Variants in NALCN observed in about 807,000 individuals in gnomAD.
The protein encoded by NALCN is sodium leak channel NALCN.
A neutral mutation model predicts 225.3 loss-of-function variants in NALCN; 111 were observed. The ratio of observed to expected loss-of-function variants is 0.49; its 90% CI spans 0.42 to 0.58. NALCN has a LOEUF of 0.58. NALCN is among the 20% of genes least tolerant of loss of function. The probability of loss-of-function intolerance (pLI) is 0.00; values close to 1 mark genes in which losing one functional copy is unlikely to be tolerated. For synonymous variants in NALCN, 764 were observed against 769.0 expected, an observed-to-expected ratio of 0.99 and a Z score of 0.11; for missense variants, 1,378 against 2,202.4, an observed-to-expected ratio of 0.63 and a Z score of 7.49.
In NALCN at chr13:101,094,517, G is replaced by A. The variant is rs192917846; in HGVS notation, c.3269+1057C>T. The stretch of plus-strand genomic sequence containing the variant: ...TGCTATAATTAATTTTTATCTCATG[G>A]AAGAAAATTTTTATGCTCCTTTAAT... On this transcript the variant is annotated intron_variant, in intron 28 of 43. Coordinates refer to ENST00000251127, the MANE Select transcript of NALCN (RefSeq NM_052867.4). Among the ~76,000 whole-genome samples the A allele has an allele frequency of 7.9e-3, 1,205 of 151,828 alleles. 7 individuals are homozygous for A. Among genetic ancestry groups the A allele is most frequent in the Non-Finnish European group, 0.01 (705 of 67,956 alleles).
At chr13:101,261,615 T>C (rs2042430240) in intron 10 of NALCN, among the ~76,000 whole-genome samples, 1 of 152,230 alleles carries the variant, frequency 6.6e-6, no homozygotes, top group South Asian at 2.1e-4. Context: ...CTACCGTAAA[T>C]GGGATTACTT....
intron 11 of NALCN, among the ~76,000 whole-genome samples, chr13:101,248,929 A>G (rs2041980387): frequency 6.6e-6 from 1 of 152,114 alleles, no homozygotes; most frequent in Non-Finnish European, 1.5e-5. Flanking sequence ...GTCATATGTC[A>G]TATCAACCAT....
chr13:101,324,682 C>CGATG (rs1432179218), intron 7 of NALCN, among the ~76,000 whole-genome samples: 1 of 152,132 alleles, frequency 6.6e-6, no homozygotes, highest in African/African-American at 2.4e-5. Context: ...TGGGCTGAGA[C>CGATG]GATGGGGTTT....
chr13:101,191,529 C>T (rs1284813862), intron 14 of NALCN, among the ~76,000 whole-genome samples: 2 of 152,018 alleles, frequency 1.3e-5, no homozygotes, highest in Non-Finnish European at 2.9e-5. Flanking sequence ...TTAATTACAG[C>T]TGTGAAGAGG....
intron 6 of NALCN, among the ~76,000 whole-genome samples, chr13:101,375,901 C>A (rs2046675480): frequency 6.6e-6 from 1 of 152,096 alleles, no homozygotes; most frequent in South Asian, 2.1e-4. Context: ...CAGGGGCCAA[C>A]ATCCCACTCT....
chr13:101,196,719 C>A (rs2039905101), intron 13 of NALCN, among the ~76,000 whole-genome samples: 1 of 152,126 alleles, frequency 6.6e-6, no homozygotes, highest in Non-Finnish European at 1.5e-5. Context: ...CAGGTAGGTT[C>A]AGGAAATCTT....
At chr13:101,203,863 T>A (rs1368503135) in intron 13 of NALCN, among the ~76,000 whole-genome samples, 2 of 152,248 alleles carry the variant, frequency 1.3e-5, no homozygotes, top group Non-Finnish European at 2.9e-5. Flanking sequence ...AGTGACTTCT[T>A]ACTAATAGAT....
chr13:101,107,006 C>G (rs2035153473), intron 22 of NALCN, among the ~76,000 whole-genome samples: 1 of 152,134 alleles, frequency 6.6e-6, no homozygotes, highest in Admixed American at 6.6e-5. Context: ...AGGGTAGAGA[C>G]AGTGAACAGT....
At chr13:101,218,746 A>G (rs891616199) in intron 13 of NALCN, among the ~76,000 whole-genome samples, 1 of 152,048 alleles carries the variant, frequency 6.6e-6, no homozygotes, top group Admixed American at 6.6e-5. Flanking sequence ...CAGCCATATA[A>G]GACTTGCCTG....
At chr13:101,372,524 A>C (rs1017894017) in intron 6 of NALCN, among the ~76,000 whole-genome samples, 1 of 152,188 alleles carries the variant, frequency 6.6e-6, no homozygotes, top group African/African-American at 2.4e-5. Flanking sequence ...ACAGAATAAA[A>C]TTATGCACCC....
At chr13:101,123,911 A>G (rs2036102923) in intron 18 of NALCN, among the ~76,000 whole-genome samples, 2 of 152,214 alleles carry the variant, frequency 1.3e-5, no homozygotes, top group South Asian at 2.1e-4. Context: ...GCTTCCTGGC[A>G]TGAATCTGTC....
chr13:101,376,550 G>A, intron 6 of NALCN, 150 bp downstream of exon 6: 1 of 611,038 alleles, frequency 1.6e-6, no homozygotes, highest in Non-Finnish European at 2.5e-6. Flanking sequence ...ATAAAAACTG[G>A]ACAAAAACAA....
intron 17 of NALCN, 24 bp downstream of exon 17, chr13:101,143,056 G>T: frequency 6.2e-7 from 1 of 1,613,978 alleles, no homozygotes; most frequent in East Asian, 2.2e-5. Flanking sequence ...TAGAAGCCTG[G>T]TTATTCGAAA....
In NALCN at chr13:101,103,271, C is replaced by G. The variant is rs755627704; in HGVS notation, c.2958G>C (p.Met986Ile). 2 of 1,613,956 alleles carry G rather than the reference C, an allele frequency of 1.2e-6. No homozygotes were observed. Among genetic ancestry groups the G allele is most frequent in the Non-Finnish European group, 1.7e-6 (2 of 1,179,902 alleles). Residue 986 changes from methionine to isoleucine, a missense_variant, in exon 26 of 44, where the codon ATG becomes ATC. Met to Ile is a conservative substitution (Grantham distance 10). Transcript: ENST00000251127. ...VPAESGAQLL[M>I]VLRCLRPLRI... ...GCAGAGGTCTCAGGCACCGAAGGAC[C>G]ATTAGAAGCTGAGCTCCCGATTCAG... is the stretch of plus-strand genomic sequence containing the variant.
Position 101,393,403 on chromosome 13 carries a change from C to G in NALCN, c.291+1780G>C, listed in dbSNP as rs144383879. On this transcript the variant is annotated intron_variant, in intron 3 of 43. Transcript: ENST00000251127. ...GGACAAGGAGTACACAGAAACTATT[C>G]AAGAGCACCATCTGGAAGCAATCAG... Among the ~76,000 whole-genome samples, 34 of 152,302 alleles carry G rather than the reference C, an allele frequency of 2.2e-4. 1 individual carries two copies. The East Asian group carries it at 6.0e-3, about 27-fold the overall frequency.
intron 1 of NALCN, among the ~76,000 whole-genome samples, chr13:101,412,040 C>A (rs1431125622): frequency 6.6e-6 from 1 of 152,192 alleles, no homozygotes; most frequent in Non-Finnish European, 1.5e-5. Context: ...CATTTGATCA[C>A]AATGATGGTG....
At chr13:101,118,271 C>A (rs554984419) in intron 18 of NALCN, among the ~76,000 whole-genome samples, 2 of 152,072 alleles carry the variant, frequency 1.3e-5, no homozygotes. Context: ...AAACTTCCCA[C>A]ATCTGTTTGG....
intron 20 of NALCN, 68 bp downstream of exon 20, chr13:101,110,551 C>G: frequency 6.5e-7 from 1 of 1,536,246 alleles, no homozygotes. Context: ...TGGGCATTGT[C>G]TAAGCAGTCA....
intron 11 of NALCN, among the ~76,000 whole-genome samples, chr13:101,257,040 G>T (rs1457048698): frequency 6.6e-6 from 1 of 152,060 alleles, no homozygotes; most frequent in Non-Finnish European, 1.5e-5. Flanking sequence ...TGGGATTACG[G>T]GCGTAAGCCA....
Sources: allele counts gnomAD v4.1 joint callset (sites outside exome capture counted in the v4.1 genomes callset), GRCh38; gene constraint gnomAD v4.1.1; transcripts MANE v1.5; gene names NCBI Gene and HGNC (gene_info 2026-07-23, HGNC 2026-07-21).